The following HECW2 variants were observed in gnomAD, a reference collection of about 807,000 sequenced individuals.
The protein encoded by HECW2 is E3 ubiquitin-protein ligase HECW2.
Under a neutral mutation model 175.2 loss-of-function variants are expected in HECW2, and 61 were observed. The ratio of observed to expected loss-of-function variants is 0.35; its 90% confidence interval spans 0.28 to 0.43. The LOEUF (loss-of-function observed/expected upper bound fraction) is 0.43, where lower values mean the gene tolerates loss of function less well. Among genes scored for constraint, HECW2 ranks in the 20% least tolerant of loss-of-function variants. The pLI is 1.00. For synonymous variants in HECW2, 671 were observed against 731.0 expected (o/e 0.92, Z 1.32); for missense variants, 1,524 against 2,000.5 (o/e 0.76, Z 4.54).
At chr2:196,418,839 T>G (rs1695329959) in intron 2 of HECW2, among the ~76,000 whole-genome samples, 2 of 152,214 alleles carry the variant, frequency 1.3e-5, no homozygotes. Flanking sequence ...ATATAGAGGA[T>G]ATTTAAAAAA....
At chr2:196,457,503 G>A (rs1232788078) in intron 1 of HECW2, among the ~76,000 whole-genome samples, 3 of 152,180 alleles carry the variant, frequency 2.0e-5, no homozygotes, top group African/African-American at 7.2e-5. Flanking sequence ...TACTTTTTAA[G>A]AATGTGTGAG....
chr2:196,538,553 T>C (rs1462071428), intron 1 of HECW2, among the ~76,000 whole-genome samples: 1 of 152,182 alleles, frequency 6.6e-6, no homozygotes, highest in Non-Finnish European at 1.5e-5. Flanking sequence ...GCAGCTTAGA[T>C]TAGTCTTGTA....
rs1686783182 is a variant in HECW2, at chr2:196,199,316, G to C, written c.*1961C>G. 6.6e-6 allele frequency: 1 copy of C among 152,486 alleles called. No individual in the cohort carries two copies. Among genetic ancestry groups the C allele is most frequent in the African/African-American group, 2.4e-5 (1 of 41,402 alleles). 9.4% of individuals were successfully genotyped at this position (152,486 alleles called of 1,614,324 possible). On this transcript the variant is annotated 3_prime_UTR_variant, in exon 29 of 29. Coordinates refer to ENST00000644978, the MANE Select transcript of HECW2 (RefSeq NM_001348768.2). ...TACAAACTAACATTTCCAGTTAAAA[G>C]TTTTTCTTTTTTTCTCTTCCAATTA...
At chr2:196,507,361 G>A (rs139976955) in intron 1 of HECW2, among the ~76,000 whole-genome samples, 200 of 152,308 alleles carry the variant, frequency 1.3e-3, no homozygotes, top group Middle Eastern at 0.01. Context: ...CATGACCAAA[G>A]TCTTAGAACT....
At chr2:196,317,445 A>G in intron 9 of HECW2, 76 bp from the exon 10 acceptor site, 1 of 1,024,588 alleles carries the variant, frequency 9.8e-7, no homozygotes, top group Non-Finnish European at 1.5e-6. Context: ...CAAAAAACCT[A>G]ACATAATTCC....
intron 1 of HECW2, among the ~76,000 whole-genome samples, chr2:196,532,054 G>A (rs919213301): frequency 6.6e-6 from 1 of 152,300 alleles, no homozygotes; most frequent in South Asian, 2.1e-4. Context: ...CTAACATTAC[G>A]ATCTTCCCAG....
At chr2:196,520,719 G>C (rs1688332052) in intron 1 of HECW2, among the ~76,000 whole-genome samples, 1 of 152,112 alleles carries the variant, frequency 6.6e-6, no homozygotes, top group Non-Finnish European at 1.5e-5. Context: ...ACTCAAAACA[G>C]TTTTTCCACT....
Position 196,457,612 on chromosome 2 carries a change from T to C in HECW2, c.-35-24154A>G, listed in dbSNP as rs1457063736. Reference sequence around the variant, plus strand: ...CTATTCACAGTACTGTGCTATTCCTTACTACTACTGTGACCTTATGTAAGT... The same window carrying C: ...CTATTCACAGTACTGTGCTATTCCTCACTACTACTGTGACCTTATGTAAGT... On this transcript the variant is annotated intron_variant, in intron 1 of 28. Coordinates refer to ENST00000644978, the MANE Select transcript of HECW2 (RefSeq NM_001348768.2). 2.6e-5 allele frequency among the ~76,000 whole-genome samples: 4 copies of C among 152,334 alleles called. No homozygotes were observed. The East Asian group carries it at 5.8e-4, about 22-fold the overall frequency.
intron 23 of HECW2, among the ~76,000 whole-genome samples, chr2:196,222,856 A>G (rs909823191): frequency 2.6e-5 from 4 of 152,118 alleles, no homozygotes; most frequent in Admixed American, 1.3e-4. Context: ...TCATCTTCAC[A>G]TACATTCCCT....
chr2:196,427,192 T>A (rs1328402090), intron 2 of HECW2, among the ~76,000 whole-genome samples: 1 of 152,174 alleles, frequency 6.6e-6, no homozygotes, highest in Non-Finnish European at 1.5e-5. Context: ...GTATATTGAT[T>A]TACATTTTGG....
At chr2:196,512,233 A>G (rs1687976264) in intron 1 of HECW2, among the ~76,000 whole-genome samples, 1 of 152,228 alleles carries the variant, frequency 6.6e-6, no homozygotes, top group South Asian at 2.1e-4. Flanking sequence ...AAGAGAAGCT[A>G]GACATCTGAA....
intron 2 of HECW2, among the ~76,000 whole-genome samples, chr2:196,382,674 A>G (rs1347712130): frequency 1.3e-5 from 2 of 152,140 alleles, no homozygotes; most frequent in Non-Finnish European, 2.9e-5. Flanking sequence ...TCTTGTAGCA[A>G]TACGTGCCCT....
intron 19 of HECW2, among the ~76,000 whole-genome samples, chr2:196,247,421 GA>G (rs1688688210): frequency 6.6e-6 from 1 of 152,140 alleles, no homozygotes; most frequent in African/African-American, 2.4e-5. Flanking sequence ...AATTGTGTGA[GA>G]ACTACAAGTG....
rs149961254 is a variant in HECW2 at position 196,451,180 on chromosome 2, A to C, written c.-35-17722T>G. Reference sequence around the variant, plus strand: ...GCTGGGCACAGTGGTTCATGTCTGTAATCCCAGCACTTTGGGAGGCCGAGG... The same window carrying C: ...GCTGGGCACAGTGGTTCATGTCTGTCATCCCAGCACTTTGGGAGGCCGAGG... On this transcript the variant is annotated intron_variant, in intron 1 of 28. Coordinates refer to ENST00000644978, the MANE Select transcript of HECW2 (RefSeq NM_001348768.2). Among the ~76,000 whole-genome samples the C allele has an allele frequency of 4.2e-3, 638 of 152,304 alleles. 4 individuals carry two copies. The highest frequency in any genetic ancestry group is 0.015 in the African/African-American group (608 of 41,582).
chr2:196,306,331 A>G (rs1331688659), intron 13 of HECW2, among the ~76,000 whole-genome samples, 157 bp downstream of exon 13: 1 of 152,160 alleles, frequency 6.6e-6, no homozygotes, highest in African/African-American at 2.4e-5. Flanking sequence ...TCTTTGGACT[A>G]AACCGGTTAA....
intron 5 of HECW2, among the ~76,000 whole-genome samples, chr2:196,328,964 C>CA (rs537862556): frequency 1.3e-3 from 196 of 151,022 alleles, no homozygotes; most frequent in African/African-American, 4.0e-3. Flanking sequence ...ATGCTTTACC[C>CA]AAAAAAAATC....
intron 28 of HECW2, among the ~76,000 whole-genome samples, chr2:196,211,167 T>TG (rs112565192): frequency 0.024 from 3,724 of 152,212 alleles, 162 homozygotes; most frequent in African/African-American, 0.085. Context: ...ATTGCAGCTC[T>TG]CAGGTCCTCC....
chr2:196,361,001 C>A (rs1440602549), intron 2 of HECW2, among the ~76,000 whole-genome samples: 1 of 152,116 alleles, frequency 6.6e-6, no homozygotes, highest in African/African-American at 2.4e-5. Flanking sequence ...GCCAGTTGCA[C>A]CCTACATGGC....
intron 10 of HECW2, chr2:196,315,981 C>T (rs917958481): frequency 6.6e-6 from 1 of 152,188 alleles, no homozygotes; most frequent in Non-Finnish European, 1.5e-5. Context: ...ATTTGTTTTG[C>T]TCCAATTATA....
Sources: gnomAD v4.1 joint callset for allele counts (sites outside exome capture counted in the v4.1 genomes callset) on GRCh38, gnomAD v4.1.1 for gene constraint, MANE v1.5 for transcripts, NCBI Gene and HGNC (gene_info 2026-07-23, HGNC 2026-07-21) for gene names.